Variants in PTPN2 observed in about 807,000 individuals in gnomAD.
The protein encoded by PTPN2 is tyrosine-protein phosphatase non-receptor type 2.
In PTPN2, 19 loss-of-function variants were observed where a neutral mutation model predicts 57.3. The ratio of observed to expected loss-of-function variants is 0.33; its 90% CI spans 0.23 to 0.49. PTPN2 has a LOEUF of 0.49. Ranked by LOEUF, PTPN2 falls within the 20% of genes least tolerant of loss-of-function variation. The pLI is 0.99. For synonymous variants in PTPN2, 153 were observed against 164.9 expected (o/e 0.93, Z 0.55); for missense variants, 358 against 501.1 (o/e 0.71, Z 2.73).
intron 1 of PTPN2, 62 bp downstream of exon 1, chr18:12,884,011 G>C: frequency 7.0e-7 from 1 of 1,419,560 alleles, no homozygotes; most frequent in Non-Finnish European, 9.6e-7. Flanking sequence ...GGACCCTGCG[G>C]ACAGGGCACG....
intron 1 of PTPN2, among the ~76,000 whole-genome samples, chr18:12,871,114 T>G (rs2145516414): frequency 6.6e-6 from 1 of 152,340 alleles, no homozygotes; most frequent in Admixed American, 6.5e-5. Context: ...CTTTGATTTT[T>G]CACTTAGTAT....
chr18:12,854,369 A>AAAG (rs777647752), intron 2 of PTPN2, among the ~76,000 whole-genome samples: 4 of 151,334 alleles, frequency 2.6e-5, no homozygotes, highest in Admixed American at 2.0e-4. Context: ...TGAAAAAAAA[A>AAAG]AAAAAAGAAA....
intron 2 of PTPN2, among the ~76,000 whole-genome samples, chr18:12,838,442 A>C (rs111557250): frequency 8.5e-5 from 13 of 152,350 alleles, no homozygotes; most frequent in Non-Finnish European, 1.5e-4. Context: ...CAGGACTCTG[A>C]ACTAAAATTC....
chr18:12,873,140 G>T (rs1371286490), intron 1 of PTPN2, among the ~76,000 whole-genome samples: 1 of 151,472 alleles, frequency 6.6e-6, no homozygotes, highest in Admixed American at 6.6e-5. Flanking sequence ...AGAATCACTT[G>T]AACCAGGGAG....
chr18:12,827,407 T>C (rs1381563587), intron 4 of PTPN2, among the ~76,000 whole-genome samples: 1 of 151,664 alleles, frequency 6.6e-6, no homozygotes, highest in Non-Finnish European at 1.5e-5. Context: ...TTTTTTTTTT[T>C]TTAAGAGACA....
intron 5 of PTPN2, among the ~76,000 whole-genome samples, chr18:12,817,969 C>T (rs568717944): frequency 3.9e-4 from 59 of 152,156 alleles, no homozygotes; most frequent in African/African-American, 7.2e-5. Flanking sequence ...GGTGAAACCC[C>T]GTTTCTACTA....
chr18:12,856,159 C>A (rs2043582284), intron 2 of PTPN2, among the ~76,000 whole-genome samples: 1 of 152,114 alleles, frequency 6.6e-6, no homozygotes, highest in Non-Finnish European at 1.5e-5. Context: ...TGAAGTCACC[C>A]AGGATGAGGA....
At chr18:12,854,864 C>T (rs1454276697) in intron 2 of PTPN2, among the ~76,000 whole-genome samples, 2 of 152,068 alleles carry the variant, frequency 1.3e-5, no homozygotes, top group African/African-American at 2.4e-5. Context: ...AAAAAAGGCA[C>T]GGTCGGCTGG....
Position 12,792,941 on chromosome 18 carries a change from C to G in PTPN2, c.*1337G>C, listed in dbSNP as rs45450798. 156,781 of 984,206 alleles carry G rather than the reference C, an allele frequency of 0.16. 13,156 individuals are homozygous for G. Among genetic ancestry groups the G allele is most frequent in the South Asian group, 0.19 (4,082 of 21,252 alleles). The allele number at this position is 984,206 out of a possible 1,614,324, so 61.0% of individuals were successfully genotyped here. ...CCCTTTAAAATACTTAAGCCTTATG[C>G]AGAAATCTTATGTGGCATATAAAGA... is the stretch of plus-strand genomic sequence containing the variant. On this transcript the variant is annotated 3_prime_UTR_variant, in exon 9 of 9. Transcript: ENST00000309660.
At chr18:12,837,682 C>T (rs1294180440) in intron 2 of PTPN2, among the ~76,000 whole-genome samples, 1 of 152,156 alleles carries the variant, frequency 6.6e-6, no homozygotes, top group Non-Finnish European at 1.5e-5. Context: ...AAACTAAAAA[C>T]ATGGTGTTTG....
At chr18:12,874,206 G>A (rs959933070) in intron 1 of PTPN2, among the ~76,000 whole-genome samples, 3 of 151,750 alleles carry the variant, frequency 2.0e-5, no homozygotes, top group Middle Eastern at 6.8e-3. Flanking sequence ...GGGAGGTTGG[G>A]GGGTCAGCCC....
chr18:12,821,038 AAATATAT>A (rs566594641), intron 5 of PTPN2, among the ~76,000 whole-genome samples: 2 of 152,312 alleles, frequency 1.3e-5, no homozygotes, highest in African/African-American at 4.8e-5. Flanking sequence ...TAATCATCAT[AAATATAT>A]AATAAGATTA....
downstream of PTPN2, among the ~76,000 whole-genome samples, chr18:12,791,015 CAT>C (rs1469005442): frequency 6.6e-6 from 1 of 152,208 alleles, no homozygotes; most frequent in African/African-American, 2.4e-5. Flanking sequence ...GTGCTTATTA[CAT>C]GTTACTTTTC....
In PTPN2 at chr18:12,807,568, G is replaced by GAA. The variant is rs68088093; in HGVS notation, c.859-5419_859-5418dup. On this transcript the variant is annotated intron_variant, in intron 7 of 8. Transcript: ENST00000309660. ...TGAATGGAGGGAGAAAGAAAATGTGGAAAAAAAAAAAAAAAAAAATATATA... is the reference window on the plus strand; with the variant it reads ...TGAATGGAGGGAGAAAGAAAATGTGGAAAAAAAAAAAAAAAAAAAAATATATA... Among the ~76,000 whole-genome samples the GAA allele has an allele frequency of 9.3e-3, 381 of 41,158 alleles. 11 individuals are homozygous for GAA. The highest frequency in any genetic ancestry group is 0.03 in the East Asian group (26 of 864). The allele number at this position is 41,158 out of a possible 152,430, so 27.0% of individuals were successfully genotyped here.
chr18:12,841,391 A>C (rs886168840), intron 2 of PTPN2, among the ~76,000 whole-genome samples: 1 of 152,200 alleles, frequency 6.6e-6, no homozygotes, highest in Admixed American at 6.5e-5. Flanking sequence ...AACACATTTG[A>C]TTTTCATGAA....
chr18:12,786,089 T>C (rs1223066682), intron 9 of PTPN2: 2 of 507,370 alleles, frequency 3.9e-6, no homozygotes, highest in Admixed American at 8.1e-5. Flanking sequence ...GTGACTTATA[T>C]TCTTCTTCAA....
intron 1 of PTPN2, among the ~76,000 whole-genome samples, chr18:12,870,673 T>A (rs1237790289): frequency 6.6e-6 from 1 of 150,602 alleles, no homozygotes; most frequent in Non-Finnish European, 1.5e-5. Flanking sequence ...CACGCCCGGC[T>A]ACTTTTTTTG....
At chr18:12,840,860 A>G in intron 2 of PTPN2, 2 of 1,590,048 alleles carry the variant, frequency 1.3e-6, no homozygotes. Flanking sequence ...TCTCTCACAT[A>G]AACCCCACTT....
Position 12,857,691 on chromosome 18 carries a change from G to A in PTPN2, c.160+1473C>T, listed in dbSNP as rs181512516. On this transcript the variant is annotated intron_variant, in intron 2 of 8. Transcript: ENST00000309660. ...AGTATCAGAATTACTGCCCACACCC[G>A]CTATTCCCTGAACGCACACCCACAC... Among the ~76,000 whole-genome samples the A allele has an allele frequency of 3.9e-5, 6 of 152,216 alleles. No homozygotes were observed. In the East Asian group the frequency reaches 9.7e-4, roughly 25 times the overall value.
Sources: allele counts gnomAD v4.1 joint callset (sites outside exome capture counted in the v4.1 genomes callset), GRCh38; gene constraint gnomAD v4.1.1; transcripts MANE v1.5; gene names NCBI Gene and HGNC (gene_info 2026-07-23, HGNC 2026-07-21).